Variants in UGGT1 observed in about 807,000 individuals in gnomAD.
UGGT1 encodes UDP-glucose:glycoprotein glucosyltransferase 1.
Under a neutral mutation model 203.9 loss-of-function variants are expected in UGGT1, and 107 were observed. That is an observed-to-expected ratio of 0.52 (90% CI 0.45 to 0.62). The LOEUF (loss-of-function observed/expected upper bound fraction) is 0.62. Among genes scored for constraint, UGGT1 ranks in the 20% least tolerant of loss-of-function variants. UGGT1 has a pLI of 0.00. For synonymous variants in UGGT1, 628 were observed against 653.5 expected, an observed-to-expected ratio of 0.96 and a Z score of 0.59; for missense variants, 1,673 against 1,867.2, an observed-to-expected ratio of 0.90 and a Z score of 1.92.
At chr2:128,143,576 G>C (rs755026039) in intron 17 of UGGT1, among the ~76,000 whole-genome samples, 4 of 152,128 alleles carry the variant, frequency 2.6e-5, no homozygotes, top group East Asian at 1.9e-4. Flanking sequence ...CTGGGGAAAG[G>C]AGTATTTTTA....
At chr2:128,156,814 C>T (rs939962632) in intron 21 of UGGT1, among the ~76,000 whole-genome samples, 1 of 152,180 alleles carries the variant, frequency 6.6e-6, no homozygotes, top group Non-Finnish European at 1.5e-5. Flanking sequence ...AAGTGATCCA[C>T]CCTCCTGAAC....
At chr2:128,186,441 T>TA (rs376346289) in intron 38 of UGGT1, among the ~76,000 whole-genome samples, 7 of 152,238 alleles carry the variant, frequency 4.6e-5, no homozygotes, top group African/African-American at 1.7e-4. Context: ...AACGCATCTC[T>TA]AGTAAAAATA....
intron 2 of UGGT1, among the ~76,000 whole-genome samples, chr2:128,100,029 C>CCG (rs1491402357): frequency 1.3e-5 from 1 of 77,370 alleles, no homozygotes; most frequent in Non-Finnish European, 2.4e-5. Context: ...CCCCCCCCCC[C>CCG]ACCCTACTTA....
intron 2 of UGGT1, among the ~76,000 whole-genome samples, chr2:128,102,419 C>T (rs1687421093): frequency 6.6e-6 from 1 of 152,164 alleles, no homozygotes; most frequent in Non-Finnish European, 1.5e-5. Context: ...GCTGGGATTA[C>T]AGGCGTGAGC....
In UGGT1 at chr2:128,142,164, G is replaced by C. The variant is rs1017098437; in HGVS notation, c.1720-930G>C. 2.0e-3 allele frequency among the ~76,000 whole-genome samples: 307 copies of C among 151,906 alleles called. 1 individual carries two copies. The highest frequency in any genetic ancestry group is 7.0e-3 in the African/African-American group (291 of 41,456). ...TTGGCCAGGCTGTTCTCGAACTCCT[G>C]ACCTCAAGTGATCCACCCGCCTCAC... On this transcript the variant is annotated intron_variant, in intron 16 of 40. Coordinates refer to ENST00000259253, the MANE Select transcript of UGGT1 (RefSeq NM_020120.4).
chr2:128,172,528 G>A (rs1367150036), intron 28 of UGGT1, 45 bp from the exon 29 acceptor site: 7 of 1,600,960 alleles, frequency 4.4e-6, no homozygotes, highest in Middle Eastern at 1.7e-4. Context: ...CTCAAGTCCT[G>A]TTGTCACATC....
intron 1 of UGGT1, among the ~76,000 whole-genome samples, chr2:128,092,047 C>T (rs185550344): frequency 1.3e-5 from 2 of 152,290 alleles, no homozygotes; most frequent in African/African-American, 4.8e-5. Context: ...GTTTGAAGTC[C>T]TGGGGTCTTT....
intron 1 of UGGT1, among the ~76,000 whole-genome samples, chr2:128,091,907 G>C (rs973026202): frequency 9.9e-5 from 15 of 152,282 alleles, no homozygotes; most frequent in East Asian, 7.7e-4. Flanking sequence ...CACTTTTAGC[G>C]TGGGACCTGC....
At chr2:128,153,375 A>G (rs1039031754) in intron 19 of UGGT1, among the ~76,000 whole-genome samples, 10 of 152,154 alleles carry the variant, frequency 6.6e-5, no homozygotes, top group Non-Finnish European at 1.5e-4. Flanking sequence ...TCAACCTTTT[A>G]AAGTATACAA....
At chr2:128,153,277 G>A (rs62160071) in intron 19 of UGGT1, among the ~76,000 whole-genome samples, 20,358 of 152,112 alleles carry the variant, frequency 0.13, 1,764 homozygotes, top group Non-Finnish European at 0.19. Context: ...CAGCCATAAT[G>A]TCAACAAATA....
chr2:128,166,499 A>G (rs1690796007), intron 26 of UGGT1, among the ~76,000 whole-genome samples: 2 of 152,220 alleles, frequency 1.3e-5, no homozygotes, highest in Non-Finnish European at 2.9e-5. Flanking sequence ...TGACTCCAGT[A>G]TCTTTGTAAT....
chr2:128,122,955 G>C (rs1688450254), intron 10 of UGGT1, among the ~76,000 whole-genome samples: 1 of 152,096 alleles, frequency 6.6e-6, no homozygotes, highest in African/African-American at 2.4e-5. Flanking sequence ...GGAAACAACT[G>C]CACCTGTTTT....
At chr2:128,178,008 G>A (rs1573624001) in intron 33 of UGGT1, 88 bp downstream of exon 33, 1 of 1,150,216 alleles carries the variant, frequency 8.7e-7, no homozygotes, top group South Asian at 1.6e-5. Flanking sequence ...TTGTGATTCT[G>A]TCTGGGCCTT....
intron 40 of UGGT1, among the ~76,000 whole-genome samples, chr2:128,187,985 A>C (rs1444464832): frequency 6.6e-6 from 1 of 151,670 alleles, no homozygotes; most frequent in East Asian, 1.9e-4. Context: ...AGTGAATGAA[A>C]AAATTTAGAT....
chr2:128,189,526 T>A lies in UGGT1; in HGVS notation c.4643-191T>A, dbSNP rs1692152797. Among the ~76,000 whole-genome samples the A allele has an allele frequency of 2.0e-5, 3 of 152,220 alleles. No homozygotes were observed. In the South Asian group the frequency reaches 6.2e-4, roughly 31 times the overall value. ...GGGGTTTACAGATAGTTTCCATTTT[T>A]AAAAAATCTTTAATTTAGTTTTTGC... On this transcript the variant is annotated intron_variant, in intron 40 of 40. Coordinates refer to ENST00000259253, the MANE Select transcript of UGGT1 (RefSeq NM_020120.4).
At chr2:128,161,444 T>G (rs1690525386) in intron 25 of UGGT1, among the ~76,000 whole-genome samples, 176 bp downstream of exon 25, 1 of 152,250 alleles carries the variant, frequency 6.6e-6, no homozygotes, top group African/African-American at 2.4e-5. Context: ...TGAAACAAGA[T>G]AATTTATTTT....
chr2:128,127,426 G>A lies in UGGT1; in HGVS notation c.1200G>A (p.Met400Ile), dbSNP rs142963053. The change falls in exon 12 of 41, where the codon ATG becomes ATA. Residue 400 changes from methionine (M) to isoleucine (I), a missense_variant. Physicochemically the swap from Met to Ile is conservative, Grantham distance 10. Transcript: ENST00000259253. ...DSALFINGLH[M>I]DLDTQDIFSL... ...CCCTCTTCATCAATGGACTTCACAT[G>A]GATTTAGATACACAGGATATATTCA... is the stretch of plus-strand genomic sequence containing the variant. The A allele has an allele frequency of 2.4e-4, 383 of 1,613,278 alleles. 5 individuals carry two copies. The East Asian group carries it at 8.4e-3, about 35-fold the overall frequency.
rs971675853 is a variant in UGGT1 at position 128,190,191 on chromosome 2, A to T, written c.*449A>T. 6.3e-6 allele frequency: 1 copy of T among 158,826 alleles called. No homozygotes were observed. The highest frequency in any genetic ancestry group is 2.4e-5 in the African/African-American group (1 of 41,646). The allele number at this position is 158,826 out of a possible 1,614,324, so 9.8% of individuals were successfully genotyped here. On this transcript the variant is annotated 3_prime_UTR_variant, in exon 41 of 41. Coordinates refer to ENST00000259253, the MANE Select transcript of UGGT1 (RefSeq NM_020120.4). ...CCCTGCCCTGGGTCTGGCCGGCGGA[A>T]GCTCTGTCCAAGGTCCACACACCTC...
rs533795611 is a variant in UGGT1, at chr2:128,116,282, A to T, written c.811A>T (p.Thr271Ser). The change falls in exon 8 of 41, where the codon ACA (threonine) becomes TCA (serine). Residue 271 changes from threonine (T) to serine (S), a missense_variant. Thr to Ser is a moderately conservative substitution (Grantham distance 58). Around this residue, in one of 4 missense-constraint regions of UGGT1, gnomAD observed 1,073 missense variants for 1,078.7 expected, o/e 0.99. Transcript: ENST00000259253. ...TTTCATAGGAACTGAGGTAAACACCACAGTGATTGGTGAAAATGATCCTAT... is the reference window on the plus strand; with the variant it reads ...TTTCATAGGAACTGAGGTAAACACCTCAGTGATTGGTGAAAATGATCCTAT... ...TQVKGTEVNT[T>S]VIGENDPIDE... is the part of the protein sequence containing the mutation. 6.2e-7 allele frequency: 1 copy of T among 1,607,112 alleles called. No homozygotes were observed. Among genetic ancestry groups the T allele is most frequent in the African/African-American group, 1.3e-5 (1 of 74,938 alleles).
Sources: gnomAD v4.1 joint callset for allele counts (sites outside exome capture counted in the v4.1 genomes callset) on GRCh38, gnomAD v4.1.1 for gene constraint, gnomAD v4.1.1 regional missense constraint, MANE v1.5 for transcripts, NCBI Gene and HGNC (gene_info 2026-07-23, HGNC 2026-07-21) for gene names.